Variants in GOLM2 observed in about 807,000 individuals in gnomAD.
GOLM2 encodes the protein protein GOLM2.
Under a neutral mutation model 55.9 loss-of-function variants are expected in GOLM2, and 26 were observed. That is an observed-to-expected ratio of 0.47 (90% CI 0.34 to 0.65). The LOEUF (loss-of-function observed/expected upper bound fraction) is 0.65, where lower values mean the gene tolerates loss of function less well. Among genes scored for constraint, GOLM2 ranks in the 30% least tolerant of loss-of-function variants. The probability of loss-of-function intolerance (pLI) is 0.01; values close to 1 mark genes in which losing one functional copy is unlikely to be tolerated. For synonymous variants in GOLM2, 165 were observed against 194.6 expected (o/e 0.85, Z 1.27); for missense variants, 486 against 531.8 (o/e 0.91, Z 0.85).
intron 8 of GOLM2, among the ~76,000 whole-genome samples, chr15:44,401,395 T>G (rs115423991): frequency 0.098 from 14,941 of 151,900 alleles, 1,569 homozygotes; most frequent in African/African-American, 0.25. Flanking sequence ...CTCCTGAGTA[T>G]CTGAGACTAT....
At chr15:44,407,163 C>A (rs2079602631) in intron 9 of GOLM2, among the ~76,000 whole-genome samples, 3 of 141,566 alleles carry the variant, frequency 2.1e-5, no homozygotes, top group African/African-American at 7.7e-5. Context: ...TAATATATTT[C>A]TATTATATAT....
At chr15:44,322,889 T>A in intron 1 of GOLM2, 76 bp from the exon 2 acceptor site, 1 of 996,562 alleles carries the variant, frequency 1.0e-6, no homozygotes, top group Non-Finnish European at 1.5e-6. Context: ...ATGATCAAGC[T>A]CAAAGTGAAT....
chr15:44,365,251 G>A (rs980171711), intron 6 of GOLM2, among the ~76,000 whole-genome samples: 5 of 152,172 alleles, frequency 3.3e-5, no homozygotes, highest in Non-Finnish European at 5.9e-5. Flanking sequence ...AGAAAGCTGG[G>A]TGTGGTAATT....
At chr15:44,397,003 A>G (rs560778324) in intron 8 of GOLM2, among the ~76,000 whole-genome samples, 1 of 152,324 alleles carries the variant, frequency 6.6e-6, no homozygotes, top group South Asian at 2.1e-4. Context: ...ATAATATTCA[A>G]GCGCACAATT....
chr15:44,305,199 C>T (rs1292858673), intron 1 of GOLM2, among the ~76,000 whole-genome samples: 2 of 151,964 alleles, frequency 1.3e-5, no homozygotes, highest in Non-Finnish European at 2.9e-5. Flanking sequence ...GGAGTTTTGC[C>T]ATGTTATCCA....
intron 9 of GOLM2, among the ~76,000 whole-genome samples, chr15:44,409,274 A>C (rs1224522035): frequency 1.4e-5 from 2 of 145,170 alleles, no homozygotes; most frequent in African/African-American, 5.2e-5. Flanking sequence ...ACAGAGCAAG[A>C]CTCCGTCTCA....
intron 8 of GOLM2, among the ~76,000 whole-genome samples, chr15:44,398,657 C>CTTTTT (rs994381104): frequency 9.3e-6 from 1 of 108,076 alleles, no homozygotes; most frequent in African/African-American, 3.7e-5. Flanking sequence ...ATATAGGAGC[C>CTTTTT]TTTTTTTTTT....
chr15:44,410,732 CAAA>C (rs35065961), intron 9 of GOLM2, among the ~76,000 whole-genome samples: 3 of 96,146 alleles, frequency 3.1e-5, no homozygotes, highest in Non-Finnish European at 4.4e-5. Context: ...CCTGTCTCTA[CAAA>C]AAAAAAAAAA....
At chr15:44,369,202 ATATATG>A (rs2079311981) in intron 6 of GOLM2, among the ~76,000 whole-genome samples, 2 of 126,022 alleles carry the variant, frequency 1.6e-5, no homozygotes, top group African/African-American at 6.8e-5. Context: ...GTATATATAT[ATATATG>A]TGTGTGTGTG....
At chr15:44,409,291 A>T (rs1232915478) in intron 9 of GOLM2, among the ~76,000 whole-genome samples, 3 of 151,430 alleles carry the variant, frequency 2.0e-5, no homozygotes, top group Non-Finnish European at 4.4e-5. Context: ...CTCAAAAAAA[A>T]AAAGCCCAAA....
intron 1 of GOLM2, among the ~76,000 whole-genome samples, chr15:44,304,230 C>CTTT (rs895623812): frequency 7.6e-4 from 63 of 82,924 alleles, no homozygotes; most frequent in African/African-American, 1.0e-3. Flanking sequence ...GGCTCCACTT[C>CTTT]TTTTTTTTTT....
At chr15:44,346,962 A>AG (rs2079129134) in intron 6 of GOLM2, among the ~76,000 whole-genome samples, 1 of 151,718 alleles carries the variant, frequency 6.6e-6, no homozygotes, top group Non-Finnish European at 1.5e-5. Flanking sequence ...CTCATATCTT[A>AG]GGAAAAAAAA....
chr15:44,337,920 T>A lies in GOLM2; in HGVS notation c.721+13T>A, dbSNP rs2079068310. 6.3e-7 allele frequency: 1 copy of A among 1,577,164 alleles called. No individual in the cohort carries two copies. The highest frequency in any genetic ancestry group is 1.4e-5 in the African/African-American group (1 of 72,502). On this transcript the variant is annotated intron_variant, in intron 5 of 9. Coordinates refer to ENST00000299957, the MANE Select transcript of GOLM2 (RefSeq NM_138423.4). ...CCACATGGGAAAGGTATTATTGTTA[T>A]TATTCTTTTGTTTTGTATTAATAGG...
chr15:44,329,306 C>T (rs2141137353), intron 3 of GOLM2, among the ~76,000 whole-genome samples: 1 of 152,172 alleles, frequency 6.6e-6, no homozygotes, highest in South Asian at 2.1e-4. Flanking sequence ...TATTTGTAAT[C>T]AATTTTATGG....
chr15:44,331,468 G>C (rs76440182), intron 3 of GOLM2, among the ~76,000 whole-genome samples: 5,107 of 152,252 alleles, frequency 0.034, 303 homozygotes, highest in African/African-American at 0.12. Context: ...TTTTGCTGCT[G>C]TTCACTTTCT....
At position 44,352,722 on chromosome 15, in the gene GOLM2, A is replaced by G. The variant is rs139678592; in HGVS notation, c.802+14405A>G. The stretch of plus-strand genomic sequence containing the variant: ...GAAGTTCGAGACCAGCCTGGCCAAC[A>G]TGGTGAAACCCCGTCTCTACTAAAA... On this transcript the variant is annotated intron_variant, in intron 6 of 9. Coordinates refer to ENST00000299957, the MANE Select transcript of GOLM2 (RefSeq NM_138423.4). 1.9e-3 allele frequency among the ~76,000 whole-genome samples: 296 copies of G among 152,202 alleles called. 1 individual carries two copies. Among genetic ancestry groups the G allele is most frequent in the African/African-American group, 6.7e-3 (280 of 41,530 alleles).
At chr15:44,402,713 G>A in intron 8 of GOLM2, 174 bp from the exon 9 acceptor site, 1 of 483,680 alleles carries the variant, frequency 2.1e-6, no homozygotes. Context: ...TATTTTCAGA[G>A]TCTTCCCTCT....
intron 5 of GOLM2, 23 bp from the exon 6 acceptor site, chr15:44,338,214 C>T: frequency 6.3e-7 from 1 of 1,597,918 alleles, no homozygotes; most frequent in Non-Finnish European, 8.5e-7. Context: ...CGATAGAATT[C>T]TATCTTTTTG....
At chr15:44,369,873 A>G (rs1297561297) in intron 6 of GOLM2, among the ~76,000 whole-genome samples, 1 of 152,080 alleles carries the variant, frequency 6.6e-6, no homozygotes, top group African/African-American at 2.4e-5. Flanking sequence ...TTTGAATAAT[A>G]TATGATCTGA....
Sources: allele counts gnomAD v4.1 joint callset (sites outside exome capture counted in the v4.1 genomes callset), GRCh38; gene constraint gnomAD v4.1.1; transcripts MANE v1.5; gene names NCBI Gene and HGNC (gene_info 2026-07-23, HGNC 2026-07-21).